ZNF783: variants seen among roughly 807,000 people sequenced by gnomAD.
The protein encoded by ZNF783 is protein ZNF783.
A neutral mutation model predicts 31.3 loss-of-function variants in ZNF783; 25 were observed. The ratio of observed to expected loss-of-function variants is 0.80; its 90% CI spans 0.58 to 1.11. The LOEUF is 1.11. Ranked by LOEUF, ZNF783 falls within the 50% of genes most tolerant of loss-of-function variation. ZNF783 has a pLI of 0.00. For synonymous variants in ZNF783, 369 were observed against 319.1 expected (o/e 1.16, Z -1.66); for missense variants, 797 against 760.0 (o/e 1.05, Z -0.57).
At position 149,266,932 on chromosome 7, in the gene ZNF783, G is replaced by A. The variant is rs766727627; in HGVS notation, c.534G>A (p.Thr178=). The A allele has an allele frequency of 7.4e-6, 12 of 1,614,004 alleles. No individual in the cohort carries two copies. Among genetic ancestry groups the A allele is most frequent in the East Asian group, 2.2e-5 (1 of 44,872 alleles). The change falls in exon 3 of 6, where the codon ACG becomes ACA. Residue 178 remains threonine (T), a synonymous_variant. Coordinates refer to ENST00000434415, the MANE Select transcript of ZNF783 (RefSeq NM_001195220.2). The part of the protein sequence containing the change: ...YKHVMRGNYE[T]LVSLDYAISK... ...ACGTGATGAGGGGCAACTACGAGACGCTGGTCTCCCTGGGTAAGGCCACGG... is the reference window on the plus strand; with the variant it reads ...ACGTGATGAGGGGCAACTACGAGACACTGGTCTCCCTGGGTAAGGCCACGG...
chr7:149,265,067 G>A (rs1585606470), intron 1 of ZNF783, among the ~76,000 whole-genome samples: 1 of 152,268 alleles, frequency 6.6e-6, no homozygotes, highest in Non-Finnish European at 1.5e-5. Flanking sequence ...CAAGCAAGGT[G>A]ATGGGAACTT....
chr7:149,279,632 G>GTTTTTTTTTTTTTTTTTTT (rs764203926), intron 5 of ZNF783, among the ~76,000 whole-genome samples: 18 of 100,322 alleles, frequency 1.8e-4, no homozygotes, highest in East Asian at 3.2e-4. Flanking sequence ...TTTTATCTTT[G>GTTTTTTTTTTTTTTTTTTT]TTTTTTTTTT....
intron 5 of ZNF783, among the ~76,000 whole-genome samples, chr7:149,279,696 A>G (rs1441510147): frequency 7.6e-6 from 1 of 130,978 alleles, no homozygotes; most frequent in Non-Finnish European, 1.5e-5. Flanking sequence ...TGTTTCTCGC[A>G]GAGGGGGATT....
chr7:149,281,907 C>G lies in ZNF783; in HGVS notation c.1205C>G (p.Pro402Arg), dbSNP rs1797480280. The G allele has an allele frequency of 2.6e-6, 4 of 1,523,974 alleles. No homozygotes were observed. Among genetic ancestry groups the G allele is most frequent in the Non-Finnish European group, 3.5e-6 (4 of 1,140,464 alleles). 94.4% of individuals were successfully genotyped at this position (1,523,974 alleles called of 1,614,324 possible). A position where few individuals can be genotyped will look rare whatever the true frequency, so the allele number is the denominator to read the frequency against. Residue 402 changes from proline (P) to arginine (R), a missense_variant, in exon 6 of 6, where the codon CCC (proline) becomes CGC (arginine). By Grantham distance (103) the Pro-to-Arg change is moderately radical. Coordinates refer to ENST00000434415, the MANE Select transcript of ZNF783 (RefSeq NM_001195220.2). ...AMLEPGEVVV[P>R]GPVIRWLPEE... ...CTGGAGCCGGGGGAGGTGGTGGTAC[C>G]CGGCCCTGTCATCCGCTGGCTCCCC...
intron 4 of ZNF783, among the ~76,000 whole-genome samples, chr7:149,268,604 C>T (rs1014745676): frequency 6.6e-6 from 1 of 152,154 alleles, no homozygotes; most frequent in Non-Finnish European, 1.5e-5. Flanking sequence ...CCTCTCTTTC[C>T]CTTCCCCCTG....
intron 1 of ZNF783, among the ~76,000 whole-genome samples, chr7:149,264,422 G>T (rs1274785521): frequency 6.6e-6 from 1 of 152,186 alleles, no homozygotes; most frequent in African/African-American, 2.4e-5. Flanking sequence ...TCCACAGGAG[G>T]CTGGCATGGC....
chr7:149,277,970 G>A (rs950157245), intron 4 of ZNF783: 1 of 202,580 alleles, frequency 4.9e-6, no homozygotes, highest in Non-Finnish European at 1.0e-5. Context: ...AAACCTTGAC[G>A]CTCCTAACGC....
chr7:149,281,543 G>A lies in ZNF783; in HGVS notation c.841G>A (p.Asp281Asn), dbSNP rs1452414774. 2.7e-6 allele frequency: 4 copies of A among 1,471,056 alleles called. No individual in the cohort carries two copies. In the Admixed American group the frequency reaches 1.0e-4, roughly 37 times the overall value. The allele number at this position is 1,471,056 out of a possible 1,614,324, so 91.1% of individuals were successfully genotyped here. A position where few individuals can be genotyped will look rare whatever the true frequency, so the allele number is the denominator to read the frequency against. Residue 281 changes from aspartate to asparagine, a missense_variant, in exon 6 of 6, where the codon GAC becomes AAC. Transcript: ENST00000434415. ...VAIKTEAQSE[D>N]EMTPERLFLG... ...CATCAAGACAGAGGCACAGTCTGAA[G>A]ACGAGATGACGCCTGAGCGGCTCTT...
chr7:149,266,250 G>T, intron 1 of ZNF783, 85 bp from the exon 2 acceptor site: 14 of 1,419,406 alleles, frequency 9.9e-6, no homozygotes, highest in Non-Finnish European at 1.3e-5. Flanking sequence ...ACCATGGCAG[G>T]TGTCATTTCC....
chr7:149,280,522 G>T (rs1797441360), intron 5 of ZNF783, among the ~76,000 whole-genome samples: 2 of 152,290 alleles, frequency 1.3e-5, no homozygotes, highest in South Asian at 4.1e-4. Flanking sequence ...TGGGGACCCA[G>T]ATCAGTCTGG....
At chr7:149,275,459 C>A (rs1490821353) in intron 4 of ZNF783, among the ~76,000 whole-genome samples, 1 of 151,572 alleles carries the variant, frequency 6.6e-6, no homozygotes, top group Non-Finnish European at 1.5e-5. Flanking sequence ...ACTACAGGCA[C>A]CCATGACCAC....
At chr7:149,272,599 C>G (rs576827778) in intron 4 of ZNF783, among the ~76,000 whole-genome samples, 2 of 151,744 alleles carry the variant, frequency 1.3e-5, no homozygotes, top group African/African-American at 2.4e-5. Context: ...ATTTTAATCT[C>G]TAATTTTTAT....
intron 1 of ZNF783, among the ~76,000 whole-genome samples, chr7:149,263,985 C>G (rs764178796): frequency 6.6e-6 from 1 of 152,132 alleles, no homozygotes; most frequent in African/African-American, 2.4e-5. Context: ...CTCCCCCTAG[C>G]CTGGGGCTCA....
intron 5 of ZNF783, 62 bp downstream of exon 5, chr7:149,278,589 G>C (rs1022542918): frequency 1.9e-6 from 3 of 1,592,542 alleles, no homozygotes; most frequent in Non-Finnish European, 2.5e-6. Context: ...CGATCACCAA[G>C]CGATGGTGCT....
At chr7:149,278,206 C>T in intron 4 of ZNF783, 193 bp from the exon 5 acceptor site, 2 of 1,386,496 alleles carry the variant, frequency 1.4e-6, no homozygotes, top group Non-Finnish European at 1.9e-6. Context: ...CTGCAGTTTC[C>T]TTCTGTGGGA....
At chr7:149,266,024 C>G (rs1358815844) in intron 1 of ZNF783, among the ~76,000 whole-genome samples, 1 of 152,204 alleles carries the variant, frequency 6.6e-6, no homozygotes, top group Non-Finnish European at 1.5e-5. Flanking sequence ...TTGTTTGAGA[C>G]TGCACGTGGT....
chr7:149,271,976 G>T (rs1484704700), intron 4 of ZNF783, among the ~76,000 whole-genome samples: 1 of 152,150 alleles, frequency 6.6e-6, no homozygotes, highest in Non-Finnish European at 1.5e-5. Context: ...AGTACGTTGT[G>T]CATAAATCAG....
intron 1 of ZNF783, among the ~76,000 whole-genome samples, chr7:149,262,682 C>T (rs1585603778): frequency 6.6e-6 from 1 of 152,182 alleles, no homozygotes. Context: ...CCTCGCGGCC[C>T]CCCCTACAGC....
At chr7:149,279,541 C>T (rs1797410355) in intron 5 of ZNF783, among the ~76,000 whole-genome samples, 2 of 151,674 alleles carry the variant, frequency 1.3e-5, no homozygotes, top group Admixed American at 6.6e-5. Context: ...GTGCACGCTG[C>T]AAGCCGCGGG....
Sources: gnomAD v4.1 joint callset for allele counts (sites outside exome capture counted in the v4.1 genomes callset) on GRCh38, gnomAD v4.1.1 for gene constraint, MANE v1.5 for transcripts, NCBI Gene and HGNC (gene_info 2026-07-23, HGNC 2026-07-21) for gene names.